The following CNTLN variants were observed in gnomAD, a reference collection of about 807,000 sequenced individuals.
CNTLN encodes centlein, centrosomal protein.
In CNTLN, 212 loss-of-function variants were observed where a neutral mutation model predicts 180.0. The ratio of observed to expected loss-of-function variants is 1.18; its 90% CI spans 1.05 to 1.32. CNTLN has a LOEUF of 1.32. Among genes scored for constraint, CNTLN ranks in the 40% most tolerant of loss-of-function variants. The probability of loss-of-function intolerance (pLI) is 0.00; values close to 1 mark genes in which losing one functional copy is unlikely to be tolerated. For synonymous variants in CNTLN, 722 were observed against 563.1 expected (o/e 1.28, Z -3.99); for missense variants, 2,095 against 1,610.9 (o/e 1.30, Z -5.14).
At chr9:17,360,353 T>G (rs560048481) in intron 12 of CNTLN, among the ~76,000 whole-genome samples, 1 of 152,004 alleles carries the variant, frequency 6.6e-6, no homozygotes, top group African/African-American at 2.4e-5. Flanking sequence ...CATGGGTAAG[T>G]GGGAATTTAT....
chr9:17,352,590 A>G (rs116870889), intron 12 of CNTLN, among the ~76,000 whole-genome samples: 2,544 of 152,218 alleles, frequency 0.017, 42 homozygotes, highest in Middle Eastern at 0.027. Flanking sequence ...ATTTTAAAGC[A>G]TAGAATTCAG....
At position 17,144,841 on chromosome 9, in the gene CNTLN, A is replaced by T. The variant is rs546982703; in HGVS notation, c.449+1465A>T. 7.7e-3 allele frequency among the ~76,000 whole-genome samples: 1,135 copies of T among 146,580 alleles called. 11 individuals are homozygous for T. The highest frequency in any genetic ancestry group is 0.011 in the Non-Finnish European group (747 of 66,278). On this transcript the variant is annotated intron_variant, in intron 2 of 25. Coordinates refer to ENST00000380647, the MANE Select transcript of CNTLN (RefSeq NM_017738.4). ...TATTTTATTTTATTTTTTTTATTTT[A>T]TTTTTTTTTTTGAGACGGAGTCTCG...
At chr9:17,516,835 T>C in the CNTLN span, among the ~76,000 whole-genome samples, 6 of 152,176 alleles carry the variant, frequency 3.9e-5, no homozygotes, top group Admixed American at 3.9e-4. Context: ...AAGAACTTGA[T>C]CTAGATTTTG....
At chr9:17,200,521 G>A (rs1280783428) in intron 2 of CNTLN, among the ~76,000 whole-genome samples, 1 of 152,096 alleles carries the variant, frequency 6.6e-6, no homozygotes, top group Non-Finnish European at 1.5e-5. Context: ...TTGAGCAGTG[G>A]TTTGTAGTTG....
Position 17,239,660 on chromosome 9 carries a change from C to T in CNTLN, c.849+3072C>T, listed in dbSNP as rs185780178. 1.1e-3 allele frequency among the ~76,000 whole-genome samples: 163 copies of T among 152,260 alleles called. 1 individual carries two copies. Among genetic ancestry groups the T allele is most frequent in the Middle Eastern group, 3.4e-3 (1 of 294 alleles). On this transcript the variant is annotated intron_variant, in intron 5 of 25. Coordinates refer to ENST00000380647, the MANE Select transcript of CNTLN (RefSeq NM_017738.4). Reference sequence around the variant, plus strand: ...TAACTTTTGAATATGGTGTGAGATACAGGCCTAATGTCATGCTTTTGTATG... The same window carrying T: ...TAACTTTTGAATATGGTGTGAGATATAGGCCTAATGTCATGCTTTTGTATG...
intron 16 of CNTLN, among the ~76,000 whole-genome samples, chr9:17,411,593 A>G (rs569752886): frequency 6.6e-6 from 1 of 152,260 alleles, no homozygotes; most frequent in Admixed American, 6.5e-5. Context: ...AGAAGGTGAG[A>G]GGTGGGTGAG....
chr9:17,379,181 G>C (rs1054303828), intron 13 of CNTLN, among the ~76,000 whole-genome samples: 1 of 151,732 alleles, frequency 6.6e-6, no homozygotes, highest in African/African-American at 2.4e-5. Flanking sequence ...CCCTCGGCTA[G>C]TCAGAGCATA....
intron 21 of CNTLN, among the ~76,000 whole-genome samples, chr9:17,465,664 A>G (rs1831706718): frequency 6.6e-6 from 1 of 151,280 alleles, no homozygotes; most frequent in Non-Finnish European, 1.5e-5. Flanking sequence ...AGTCAAAACA[A>G]TCATCTCCTG....
chr9:17,354,618 A>T (rs1014623150), intron 12 of CNTLN, among the ~76,000 whole-genome samples: 3 of 151,996 alleles, frequency 2.0e-5, no homozygotes, highest in African/African-American at 7.2e-5. Context: ...AACTAATCTG[A>T]TGGGGACGTG....
chr9:17,204,380 C>G (rs1391132646), intron 2 of CNTLN, among the ~76,000 whole-genome samples: 2 of 151,594 alleles, frequency 1.3e-5, no homozygotes, highest in African/African-American at 2.4e-5. Context: ...ATGTGGGGGT[C>G]TTTTTTGTTG....
chr9:17,409,612 T>G, intron 16 of CNTLN, 139 bp downstream of exon 16: 2 of 604,764 alleles, frequency 3.3e-6, no homozygotes, highest in Non-Finnish European at 5.4e-6. Flanking sequence ...AGTGAAAATA[T>G]TCACTTTTAA....
intron 15 of CNTLN, among the ~76,000 whole-genome samples, chr9:17,408,138 A>AAT (rs1239917037): frequency 1.4e-5 from 2 of 147,850 alleles, no homozygotes; most frequent in Non-Finnish European, 3.0e-5. Context: ...CAAAAAAAAA[A>AAT]AAAAAAAAAA....
intron 13 of CNTLN, among the ~76,000 whole-genome samples, chr9:17,379,093 T>C (rs1265771527): frequency 1.3e-5 from 2 of 152,240 alleles, no homozygotes; most frequent in East Asian, 3.9e-4. Context: ...CACTGTCTTC[T>C]GGTGTGAATT....
intron 5 of CNTLN, among the ~76,000 whole-genome samples, chr9:17,247,390 C>G (rs561497254): frequency 2.0e-5 from 3 of 152,256 alleles, no homozygotes; most frequent in Admixed American, 1.3e-4. Context: ...CCCCATATTG[C>G]TTTCTACTAT....
intron 2 of CNTLN, among the ~76,000 whole-genome samples, chr9:17,194,126 C>G (rs368735251): frequency 3.9e-4 from 60 of 152,298 alleles, no homozygotes; most frequent in Admixed American, 1.2e-3. Context: ...TCCTAGGCCT[C>G]TGGGCCTGTG....
In CNTLN at chr9:17,332,643, G is replaced by A. The variant is rs766731386; in HGVS notation, c.1557G>A (p.Lys519=). The change falls in exon 10 of 26, where the codon AAG becomes AAA. Residue 519 remains lysine, a synonymous_variant. Transcript: ENST00000380647. ...PVKRSRSLSP[K]SSFTDSEELQ... is the part of the protein sequence containing the mutation. ...AACGTTCAAGGTCTTTGTCCCCAAAGAGCTCTTTCACAGACTCAGAAGAGC... is the reference window on the plus strand; with the variant it reads ...AACGTTCAAGGTCTTTGTCCCCAAAAAGCTCTTTCACAGACTCAGAAGAGC... The A allele has an allele frequency of 1.7e-5, 27 of 1,608,264 alleles. No individual in the cohort carries two copies. The highest frequency in any genetic ancestry group is 2.3e-5 in the Non-Finnish European group (27 of 1,177,720).
At chr9:17,347,997 A>AT (rs1376737465) in intron 12 of CNTLN, among the ~76,000 whole-genome samples, 1 of 151,852 alleles carries the variant, frequency 6.6e-6, no homozygotes, top group Non-Finnish European at 1.5e-5. Context: ...ACTTCTGGCT[A>AT]TTTTTTGTAT....
At chr9:17,309,867 T>G (rs928655250) in intron 8 of CNTLN, among the ~76,000 whole-genome samples, 1 of 152,092 alleles carries the variant, frequency 6.6e-6, no homozygotes, top group Non-Finnish European at 1.5e-5. Flanking sequence ...CTCTGTGAAT[T>G]TATTTAAGTG....
At chr9:17,182,323 A>G (rs1386796215) in intron 2 of CNTLN, among the ~76,000 whole-genome samples, 2 of 152,066 alleles carry the variant, frequency 1.3e-5, no homozygotes, top group East Asian at 3.9e-4. Flanking sequence ...TAGGTTGTCA[A>G]CTTTTTCTGT....
Sources: gnomAD v4.1 joint callset for allele counts (sites outside exome capture counted in the v4.1 genomes callset) on GRCh38, gnomAD v4.1.1 for gene constraint, MANE v1.5 for transcripts, NCBI Gene and HGNC (gene_info 2026-07-23, HGNC 2026-07-21) for gene names.